Variants in ATRNL1 observed in about 807,000 individuals in gnomAD.
ATRNL1 encodes attractin like 1.
Under a neutral mutation model 182.7 loss-of-function variants are expected in ATRNL1, and 95 were observed. The ratio of observed to expected loss-of-function variants is 0.52; its 90% CI spans 0.44 to 0.62. The LOEUF (loss-of-function observed/expected upper bound fraction) is 0.62, where lower values mean the gene tolerates loss of function less well. Ranked by LOEUF, ATRNL1 falls within the 20% of genes least tolerant of loss-of-function variation. The pLI, the probability that ATRNL1 is intolerant of heterozygous loss-of-function variation, is 0.00. For synonymous variants in ATRNL1, 576 were observed against 568.3 expected, an observed-to-expected ratio of 1.01 and a Z score of -0.19; for missense variants, 1,471 against 1,679.5, an observed-to-expected ratio of 0.88 and a Z score of 2.17.
intron 28 of ATRNL1, among the ~76,000 whole-genome samples, chr10:115,856,451 G>A (rs1222351582): frequency 0.044 from 609 of 13,932 alleles, 2 homozygotes; most frequent in Non-Finnish European, 0.072. Context: ...AAAAAAAAAA[G>A]CCATACATAC....
intron 21 of ATRNL1, among the ~76,000 whole-genome samples, chr10:115,454,803 G>T (rs1241367230): frequency 1.3e-5 from 2 of 152,040 alleles, no homozygotes; most frequent in African/African-American, 2.4e-5. Flanking sequence ...TTGTGTGTGT[G>T]TATGTGTGGA....
intron 28 of ATRNL1, among the ~76,000 whole-genome samples, chr10:115,866,659 G>A (rs987952445): frequency 6.6e-6 from 1 of 152,100 alleles, no homozygotes; most frequent in African/African-American, 2.4e-5. Flanking sequence ...TGACAGGAAA[G>A]CATTAAATAC....
At chr10:115,363,867 C>T (rs1856880955) in intron 19 of ATRNL1, among the ~76,000 whole-genome samples, 1 of 148,186 alleles carries the variant, frequency 6.7e-6, no homozygotes, top group Admixed American at 6.7e-5. Flanking sequence ...TGTTCTGTTC[C>T]ATTGATCTAT....
chr10:115,574,162 A>G (rs1003697359), intron 26 of ATRNL1, among the ~76,000 whole-genome samples: 2 of 151,524 alleles, frequency 1.3e-5, no homozygotes, highest in African/African-American at 4.8e-5. Context: ...AAGTACAGCC[A>G]TTATATATAA....
intron 19 of ATRNL1, among the ~76,000 whole-genome samples, chr10:115,390,348 G>A (rs1843956059): frequency 6.6e-6 from 1 of 152,086 alleles, no homozygotes; most frequent in African/African-American, 2.4e-5. Context: ...AGTGCATTTT[G>A]AGTTGAGTTT....
intron 28 of ATRNL1, among the ~76,000 whole-genome samples, chr10:115,921,542 C>G (rs1356409873): frequency 6.6e-6 from 1 of 152,140 alleles, no homozygotes; most frequent in African/African-American, 2.4e-5. Context: ...TTTTACACCT[C>G]TTACCCCCAT....
At chr10:115,188,337 G>T (rs1723054941) in intron 8 of ATRNL1, among the ~76,000 whole-genome samples, 1 of 152,256 alleles carries the variant, frequency 6.6e-6, no homozygotes, top group African/African-American at 2.4e-5. Context: ...TGGCAGTAAA[G>T]GAAATGTCAG....
intron 26 of ATRNL1, among the ~76,000 whole-genome samples, chr10:115,679,297 T>G (rs2133946099): frequency 6.6e-6 from 1 of 152,032 alleles, no homozygotes; most frequent in South Asian, 2.1e-4. Flanking sequence ...TACTAGTTTT[T>G]GTTTGTTTGG....
chr10:115,424,830 A>G (rs574058846), intron 20 of ATRNL1, among the ~76,000 whole-genome samples: 1 of 152,196 alleles, frequency 6.6e-6, no homozygotes, highest in African/African-American at 2.4e-5. Context: ...TGGAATGGGG[A>G]GAGATTGGTC....
intron 17 of ATRNL1, among the ~76,000 whole-genome samples, chr10:115,309,414 T>C (rs1554927186): frequency 1.3e-5 from 2 of 152,156 alleles, no homozygotes; most frequent in African/African-American, 2.4e-5. Flanking sequence ...GAGTGTGGGA[T>C]GTGTTTCCAT....
At chr10:115,534,376 TC>T (rs1851820257) in intron 25 of ATRNL1, among the ~76,000 whole-genome samples, 1 of 152,196 alleles carries the variant, frequency 6.6e-6, no homozygotes, top group South Asian at 2.1e-4. Flanking sequence ...CTTTGTCTCT[TC>T]TGATCTTTGT....
In ATRNL1 at chr10:115,380,782, C is replaced by T. The variant is rs563744701; in HGVS notation, c.3176-13877C>T. Among the ~76,000 whole-genome samples, 5 of 152,092 alleles carry T rather than the reference C, an allele frequency of 3.3e-5. No homozygotes were observed. In the East Asian group the frequency reaches 5.8e-4, roughly 18 times the overall value. On this transcript the variant is annotated intron_variant, in intron 19 of 28. Coordinates refer to ENST00000355044, the MANE Select transcript of ATRNL1 (RefSeq NM_207303.4). Reference sequence around the variant, plus strand: ...ATGGCTATATCATATTTTGTTTCTTCGTTAGTTGATGGACTTTTGACCTAT... The same window carrying T: ...ATGGCTATATCATATTTTGTTTCTTTGTTAGTTGATGGACTTTTGACCTAT...
intron 1 of ATRNL1, among the ~76,000 whole-genome samples, chr10:115,099,437 C>T (rs1554864058): frequency 6.6e-6 from 1 of 152,154 alleles, no homozygotes; most frequent in Non-Finnish European, 1.5e-5. Context: ...GCTTTCCTTT[C>T]TCTTGGGGAA....
intron 20 of ATRNL1, among the ~76,000 whole-genome samples, chr10:115,401,548 A>G (rs529150089): frequency 2.0e-5 from 3 of 152,186 alleles, no homozygotes; most frequent in Non-Finnish European, 2.9e-5. Flanking sequence ...GATCCTATTT[A>G]TAAGTGTAGT....
intron 9 of ATRNL1, among the ~76,000 whole-genome samples, chr10:115,229,821 A>G (rs912743689): frequency 4.1e-4 from 63 of 152,184 alleles, no homozygotes; most frequent in African/African-American, 1.4e-3. Flanking sequence ...ATTTTTTACT[A>G]GTTCTCTTTT....
At chr10:115,268,054 C>T (rs948078586) in intron 12 of ATRNL1, among the ~76,000 whole-genome samples, 2 of 152,058 alleles carry the variant, frequency 1.3e-5, no homozygotes, top group Non-Finnish European at 2.9e-5. Flanking sequence ...AGCTACCGTG[C>T]CTGGCCCAAA....
intron 27 of ATRNL1, among the ~76,000 whole-genome samples, chr10:115,809,775 T>C (rs1365916867): frequency 6.6e-6 from 1 of 152,004 alleles, no homozygotes; most frequent in Non-Finnish European, 1.5e-5. Flanking sequence ...TTCATCTGTA[T>C]GCCTATTATT....
intron 27 of ATRNL1, among the ~76,000 whole-genome samples, chr10:115,762,712 A>G (rs1948762543): frequency 6.6e-6 from 1 of 152,120 alleles, no homozygotes. Flanking sequence ...TACTTGAGAA[A>G]GTTACTATCA....
At chr10:115,257,761 A>G (rs1592335856) in intron 10 of ATRNL1, among the ~76,000 whole-genome samples, 2 of 152,038 alleles carry the variant, frequency 1.3e-5, no homozygotes, top group Admixed American at 6.5e-5. Flanking sequence ...GTTTCTTTCC[A>G]TGTTTAGTGC....
Sources: allele counts gnomAD v4.1 joint callset (sites outside exome capture counted in the v4.1 genomes callset), GRCh38; gene constraint gnomAD v4.1.1; transcripts MANE v1.5; gene names NCBI Gene and HGNC (gene_info 2026-07-23, HGNC 2026-07-21).